The following NCAPH variants were observed in gnomAD, a reference collection of about 807,000 sequenced individuals.
The protein encoded by NCAPH is condensin complex subunit 2.
NCAPH carries 38 observed loss-of-function variants against 85.5 expected under a neutral mutation model. That is an observed-to-expected ratio of 0.44 (90% CI 0.34 to 0.58). NCAPH has a LOEUF of 0.58. Ranked by LOEUF, NCAPH falls within the 20% of genes least tolerant of loss-of-function variation. The pLI, the probability that NCAPH is intolerant of heterozygous loss-of-function variation, is 0.01. For synonymous variants in NCAPH, 301 were observed against 335.1 expected, an observed-to-expected ratio of 0.90 and a Z score of 1.11; for missense variants, 789 against 916.6, an observed-to-expected ratio of 0.86 and a Z score of 1.80.
chr2:96,354,319 A>C lies in NCAPH; in HGVS notation c.1139A>C (p.Asp380Ala), dbSNP rs746138549. ...GACTTTGATGCCAACGATGAACCTG[A>C]CCACACCGCAGTTGGGGATCATGAA... ...GDDFDANDEPDHTAVGDHEEF... is the reference protein window; with the variant it reads ...GDDFDANDEPAHTAVGDHEEF... The change falls in exon 9 of 18, where the codon GAC becomes GCC. Residue 380 changes from aspartate (D) to alanine (A), a missense_variant. Asp to Ala is a moderately radical substitution (Grantham distance 126). Coordinates refer to ENST00000240423, the MANE Select transcript of NCAPH (RefSeq NM_015341.5). 6.2e-7 allele frequency: 1 copy of C among 1,614,014 alleles called. No individual in the cohort carries two copies. Among genetic ancestry groups the C allele is most frequent in the Non-Finnish European group, 8.5e-7 (1 of 1,179,958 alleles).
At position 96,374,077 on chromosome 2, in the gene NCAPH, T is replaced by C. The variant is rs902171164; in HGVS notation, c.*726T>C. ...TGCTGGAGGGAGCTGATAGTGATAC[T>C]TGTCCCTTCTGTACATTGCTTCATG... On this transcript the variant is annotated 3_prime_UTR_variant, in exon 18 of 18. Transcript: ENST00000240423. 6.6e-6 allele frequency among the ~76,000 whole-genome samples: 1 copy of C among 152,246 alleles called. No individual in the cohort carries two copies. The highest frequency in any genetic ancestry group is 2.1e-4 in the South Asian group (1 of 4,832).
chr2:96,338,119 A>G (rs2064239995), intron 1 of NCAPH, among the ~76,000 whole-genome samples: 2 of 149,740 alleles, frequency 1.3e-5, no homozygotes, highest in South Asian at 4.2e-4. Flanking sequence ...TAGAGACGGG[A>G]TTTTGCCTTG....
At chr2:96,351,681 A>C (rs1053916686) in intron 6 of NCAPH, 150 bp from the exon 7 acceptor site, 29 of 658,918 alleles carry the variant, frequency 4.4e-5, no homozygotes, top group Admixed American at 1.1e-4. Flanking sequence ...AAAAAAAAAA[A>C]AAAACAAAAA....
At chr2:96,343,710 T>G (rs1483653505) in intron 5 of NCAPH, among the ~76,000 whole-genome samples, 2 of 151,904 alleles carry the variant, frequency 1.3e-5, no homozygotes, top group Non-Finnish European at 2.9e-5. Context: ...GTTTTGTTTT[T>G]TTTTTTTTTG....
In NCAPH at chr2:96,343,262, A is replaced by G. The variant is rs2064319635; in HGVS notation, c.553A>G (p.Lys185Glu). Reference sequence around the variant, plus strand: ...ATACAGAGTCCTTGGGGGGCTGGGCAAAGATGCACCGTCTTTGGAAGAAGT... The same window carrying G: ...ATACAGAGTCCTTGGGGGGCTGGGCGAAGATGCACCGTCTTTGGAAGAAGT... ...DVYRVLGGLG[K>E]DAPSLEEVEG... Residue 185 changes from lysine to glutamate, a missense_variant, in exon 5 of 18, where the codon AAA becomes GAA. Physicochemically the swap from Lys to Glu is moderately conservative, Grantham distance 56 (BLOSUM62 1). Transcript: ENST00000240423. The G allele has an allele frequency of 6.2e-7, 1 of 1,613,720 alleles. No homozygotes were observed. The highest frequency in any genetic ancestry group is 2.2e-5 in the East Asian group (1 of 44,876).
intron 11 of NCAPH, 119 bp from the exon 12 acceptor site, chr2:96,360,469 A>G: frequency 8.3e-7 from 1 of 1,204,748 alleles, no homozygotes; most frequent in South Asian, 1.5e-5. Context: ...TTTACATAGA[A>G]CTGTGAGACT....
At position 96,342,837 on chromosome 2, in the gene NCAPH, AC is replaced by A; in HGVS notation, c.447del (p.Asn150ThrfsTer44). 6.2e-7 allele frequency: 1 copy of A among 1,611,126 alleles called. No individual in the cohort carries two copies. Among genetic ancestry groups the A allele is most frequent in the Non-Finnish European group, 8.5e-7 (1 of 1,177,978 alleles). On this transcript the variant is annotated frameshift_variant, in exon 4 of 18. Transcript: ENST00000240423. LOFTEE classifies it high-confidence loss of function. ...TCTTAAACAGAAAGACACCGAACCA[AC>A]CAACTTTAAAGTAAGAAGGATGTCC... ...EILKQKDTEP[T>X]NFKVAAGTLD...
Position 96,344,128 on chromosome 2 carries a change from A to G in NCAPH, c.619A>G (p.Thr207Ala). 6.2e-7 allele frequency: 1 copy of G among 1,613,338 alleles called. No homozygotes were observed. The highest frequency in any genetic ancestry group is 2.2e-5 in the East Asian group (1 of 44,878). The change falls in exon 6 of 18, where the codon ACA becomes GCA. Residue 207 changes from threonine to alanine, a missense_variant. Thr to Ala is a moderately conservative substitution (Grantham distance 58). Coordinates refer to ENST00000240423, the MANE Select transcript of NCAPH (RefSeq NM_015341.5). ...VADGSATEMG[T>A]TKKAVKPKKK... Reference sequence around the variant, plus strand: ...AGATGGAAGTGCTACTGAAATGGGAACAACCAAAAAGGCTGTAAAGCCAAA... The same window carrying G: ...AGATGGAAGTGCTACTGAAATGGGAGCAACCAAAAAGGCTGTAAAGCCAAA...
intron 5 of NCAPH, 63 bp from the exon 6 acceptor site, chr2:96,344,042 T>G: frequency 6.4e-7 from 1 of 1,554,220 alleles, no homozygotes; most frequent in East Asian, 2.3e-5. Context: ...GAACTTGAGT[T>G]AGTAAGTTCA....
At chr2:96,336,376 T>C (rs2064215254) in intron 1 of NCAPH, among the ~76,000 whole-genome samples, 1 of 152,150 alleles carries the variant, frequency 6.6e-6, no homozygotes, top group African/African-American at 2.4e-5. Context: ...TAATTACACA[T>C]GAGGCTGAGT....
Position 96,373,336 on chromosome 2 carries a change from G to C in NCAPH, c.2211G>C (p.Val737=). ...CAGAGGACCTCTCTGATGTTCTTGT[G>C]AGGCAAGGAGATTGAGTTCACTATG... ...EGTEDLSDVL[V]RQGD The change falls in exon 18 of 18, where the codon GTG becomes GTC. Residue 737 remains valine (V), a synonymous_variant. Transcript: ENST00000240423. 6.2e-7 allele frequency: 1 copy of C among 1,613,964 alleles called. No individual in the cohort carries two copies. Among genetic ancestry groups the C allele is most frequent in the Non-Finnish European group, 8.5e-7 (1 of 1,179,930 alleles).
At chr2:96,342,497 G>A (rs941227380) in intron 3 of NCAPH, among the ~76,000 whole-genome samples, 4 of 152,214 alleles carry the variant, frequency 2.6e-5, no homozygotes, top group Non-Finnish European at 4.4e-5. Context: ...TTTGGAGGGT[G>A]AGTCCCTTTG....
intron 9 of NCAPH, among the ~76,000 whole-genome samples, chr2:96,358,181 C>T (rs574442913): frequency 1.3e-5 from 2 of 152,346 alleles, no homozygotes; most frequent in African/African-American, 4.8e-5. Context: ...CACTTAGACA[C>T]TTTACACACG....
chr2:96,344,049 TTCA>T (rs1343523923), intron 5 of NCAPH, 53 bp from the exon 6 acceptor site: 1 of 1,568,160 alleles, frequency 6.4e-7, no homozygotes, highest in Non-Finnish European at 8.6e-7. Context: ...AGTTAGTAAG[TTCA>T]TCACATGCTT....
intron 6 of NCAPH, among the ~76,000 whole-genome samples, chr2:96,346,574 A>T (rs2064364179): frequency 6.6e-6 from 1 of 152,174 alleles, no homozygotes. Context: ...TTCACTGCTT[A>T]GGGAATTTTA....
At chr2:96,341,534 C>A in intron 1 of NCAPH, 108 bp from the exon 2 acceptor site, 2 of 1,385,168 alleles carry the variant, frequency 1.4e-6, no homozygotes, top group Non-Finnish European at 2.0e-6. Context: ...TGGAGAAGAT[C>A]TCAGTGGACA....
chr2:96,367,305 A>G lies in NCAPH; in HGVS notation c.1930A>G (p.Met644Val), dbSNP rs201595117. Reference sequence around the variant, plus strand: ...TGCCAAGACTGCCAAAAAGATGGACATGAAGAAACTGAAGCAGAGCATGTG... The same window carrying G: ...TGCCAAGACTGCCAAAAAGATGGACGTGAAGAAACTGAAGCAGAGCATGTG... ...HYAKTAKKMD[M>V]KKLKQSMWSL... The change falls in exon 15 of 18, where the codon ATG becomes GTG. Residue 644 changes from methionine to valine, a missense_variant. Transcript: ENST00000240423. 3.7e-6 allele frequency: 6 copies of G among 1,613,680 alleles called. No homozygotes were observed. The East Asian group carries it at 8.9e-5, about 24-fold the overall frequency.
intron 12 of NCAPH, among the ~76,000 whole-genome samples, chr2:96,361,769 C>CATATATATACAT (rs1558800184): frequency 7.8e-5 from 9 of 114,976 alleles, no homozygotes; most frequent in Non-Finnish European, 1.4e-4. Context: ...TATATATATA[C>CATATATATACAT]ATATATATAT....
intron 10 of NCAPH, among the ~76,000 whole-genome samples, chr2:96,359,701 T>C (rs1399530827): frequency 6.6e-6 from 1 of 152,240 alleles, no homozygotes; most frequent in African/African-American, 2.4e-5. Context: ...CATGGCTTAC[T>C]GCAGCCTTGA....
Sources: allele counts gnomAD v4.1 joint callset (sites outside exome capture counted in the v4.1 genomes callset), GRCh38; gene constraint gnomAD v4.1.1; transcripts MANE v1.5; gene names NCBI Gene and HGNC (gene_info 2026-07-23, HGNC 2026-07-21).